APBB2: variants seen among roughly 807,000 people sequenced by gnomAD.
APBB2 encodes Fe65-like 1.
In APBB2, 38 loss-of-function variants were observed where a neutral mutation model predicts 82.5. The observed-to-expected ratio is 0.46, with a 90% CI of 0.36 to 0.60. The LOEUF (loss-of-function observed/expected upper bound fraction) is 0.60, where lower values mean the gene tolerates loss of function less well. Ranked by LOEUF, APBB2 falls within the 20% of genes least tolerant of loss-of-function variation. The pLI is 0.00. For synonymous variants in APBB2, 341 were observed against 368.2 expected (o/e 0.93, Z 0.85); for missense variants, 772 against 972.3 (o/e 0.79, Z 2.74).
At chr4:40,979,288 T>G (rs1797923552) in intron 6 of APBB2, among the ~76,000 whole-genome samples, 1 of 152,192 alleles carries the variant, frequency 6.6e-6, no homozygotes, top group African/African-American at 2.4e-5. Context: ...ACAGACAATC[T>G]TTGGACACAT....
rs541449568 is a variant in APBB2 at position 41,133,020 on chromosome 4, C to T, written c.-261+9967G>A. 5.3e-5 allele frequency among the ~76,000 whole-genome samples: 8 copies of T among 152,052 alleles called. No homozygotes were observed. In the East Asian group the frequency reaches 1.5e-3, roughly 29 times the overall value. On this transcript the variant is annotated intron_variant, in intron 2 of 17. Coordinates refer to ENST00000508593, the MANE Select transcript of APBB2 (RefSeq NM_004307.2). ...CCAGTTTATTAACAGTTGTACTGTA[C>T]ATCTTTTTCAGGGAAAAAATGCATA... is the stretch of plus-strand genomic sequence containing the variant.
chr4:40,991,010 C>CTTTTTTTTTTTT (rs1491223078), intron 6 of APBB2, among the ~76,000 whole-genome samples: 4,676 of 127,074 alleles, frequency 0.037, 328 homozygotes, highest in East Asian at 0.061. Context: ...GACTGAGTTT[C>CTTTTTTTTTTTT]ATTTTTTTTT....
intron 6 of APBB2, among the ~76,000 whole-genome samples, chr4:40,987,189 G>A (rs1029812781): frequency 4.0e-5 from 6 of 151,378 alleles, no homozygotes; most frequent in Non-Finnish European, 7.4e-5. Context: ...AAAAGAAAGG[G>A]TTCAAAGTTA....
At chr4:41,182,473 A>T (rs1771700834) in intron 1 of APBB2, among the ~76,000 whole-genome samples, 1 of 152,258 alleles carries the variant, frequency 6.6e-6, no homozygotes, top group African/African-American at 2.4e-5. Flanking sequence ...ATAGTGGTGA[A>T]CATAGCTGCC....
intron 12 of APBB2, among the ~76,000 whole-genome samples, chr4:40,888,111 G>A (rs776762463): frequency 2.6e-5 from 4 of 152,204 alleles, no homozygotes; most frequent in African/African-American, 9.7e-5. Context: ...ATCTGCTAGC[G>A]TGTGTTTAAA....
chr4:40,907,966 GGT>G, intron 10 of APBB2, among the ~76,000 whole-genome samples: 1 of 151,946 alleles, frequency 6.6e-6, no homozygotes, highest in Non-Finnish European at 1.5e-5. Context: ...ACTGTGCCCA[GGT>G]GTGTGTCTGT....
intron 1 of APBB2, chr4:41,177,822 T>C (rs1156941049): frequency 6.6e-6 from 1 of 152,176 alleles, no homozygotes; most frequent in Non-Finnish European, 1.5e-5. Context: ...AGTTTTAGAT[T>C]TTTCATATTT....
chr4:41,067,870 G>A lies in APBB2; in HGVS notation c.-148-2197C>T, dbSNP rs117323537. Among the ~76,000 whole-genome samples, 23 of 152,292 alleles carry A rather than the reference G, an allele frequency of 1.5e-4. No homozygotes were observed. The East Asian group carries it at 2.1e-3, about 14-fold the overall frequency. On this transcript the variant is annotated intron_variant, in intron 3 of 17. Transcript: ENST00000508593. Reference sequence around the variant, plus strand: ...TGGAAGAGCCCAGGAAAGGGAATGCGTGGCTGCTGGAAGAGACTAAGTGCT... The same window carrying A: ...TGGAAGAGCCCAGGAAAGGGAATGCATGGCTGCTGGAAGAGACTAAGTGCT...
At chr4:40,855,831 T>G (rs1761025548) in intron 12 of APBB2, among the ~76,000 whole-genome samples, 1 of 152,220 alleles carries the variant, frequency 6.6e-6, no homozygotes, top group Non-Finnish European at 1.5e-5. Context: ...GGCTGATGCT[T>G]TATGGAAAGT....
chr4:40,816,332 TGACCCATAATAC>T, intron 17 of APBB2, 73 bp from the exon 18 acceptor site: 1 of 1,523,082 alleles, frequency 6.6e-7, no homozygotes, highest in Non-Finnish European at 9.0e-7. Flanking sequence ...CTTTAAGTCA[TGACCCATAATAC>T]ATTGACTCCC....
chr4:41,097,305 C>G (rs1010868921), intron 3 of APBB2, among the ~76,000 whole-genome samples: 1 of 152,206 alleles, frequency 6.6e-6, no homozygotes, highest in African/African-American at 2.4e-5. Context: ...TATTCAGACC[C>G]ATGAGCCTCC....
intron 5 of APBB2, among the ~76,000 whole-genome samples, chr4:41,029,692 TTTTA>T (rs60542853): frequency 0.046 from 6,960 of 152,258 alleles, 337 homozygotes; most frequent in African/African-American, 0.12. Context: ...CATATACATG[TTTTA>T]TTTGTCGATT....
intron 1 of APBB2, among the ~76,000 whole-genome samples, chr4:41,184,489 GACCACTCTGC>G (rs1253588769): frequency 2.6e-5 from 4 of 152,126 alleles, no homozygotes; most frequent in African/African-American, 9.7e-5. Flanking sequence ...CCTGGGCTTA[GACCACTCTGC>G]CCCAGAGCCC....
intron 1 of APBB2, among the ~76,000 whole-genome samples, chr4:41,187,709 AAG>A (rs1773270560): frequency 6.6e-6 from 1 of 152,244 alleles, no homozygotes; most frequent in Admixed American, 6.5e-5. Context: ...AGTGCCAACC[AAG>A]AGTTATTTAT....
intron 6 of APBB2, among the ~76,000 whole-genome samples, chr4:40,969,690 T>C (rs796727582): frequency 3.3e-5 from 5 of 152,344 alleles, no homozygotes; most frequent in African/African-American, 1.2e-4. Flanking sequence ...AGCGTGTAAC[T>C]GTTGTCATGA....
At chr4:41,025,910 C>T (rs1293032259) in intron 5 of APBB2, among the ~76,000 whole-genome samples, 1 of 143,022 alleles carries the variant, frequency 7.0e-6, no homozygotes, top group Non-Finnish European at 1.5e-5. Flanking sequence ...CCACTTCACT[C>T]CAGCCTGGGC....
At chr4:40,979,845 C>T (rs1382443735) in intron 6 of APBB2, among the ~76,000 whole-genome samples, 1 of 152,230 alleles carries the variant, frequency 6.6e-6, no homozygotes, top group Non-Finnish European at 1.5e-5. Context: ...CCTGGTGAGA[C>T]TCCCAACAGA....
At chr4:41,185,050 CAGGAACTT>C (rs1772512856) in intron 1 of APBB2, among the ~76,000 whole-genome samples, 1 of 152,186 alleles carries the variant, frequency 6.6e-6, no homozygotes, top group South Asian at 2.1e-4. Context: ...TTACTGAGGG[CAGGAACTT>C]TGTTTCATTG....
chr4:41,137,621 T>C (rs149921208), intron 2 of APBB2, among the ~76,000 whole-genome samples: 299 of 152,130 alleles, frequency 2.0e-3, no homozygotes, highest in African/African-American at 6.5e-3. Flanking sequence ...CATAGAAAAA[T>C]TGCATTGCAA....
Sources: gnomAD v4.1 joint callset for allele counts (sites outside exome capture counted in the v4.1 genomes callset) on GRCh38, gnomAD v4.1.1 for gene constraint, MANE v1.5 for transcripts, NCBI Gene and HGNC (gene_info 2026-07-23, HGNC 2026-07-21) for gene names.